The following CHLSN variants were observed in gnomAD, a reference collection of about 807,000 sequenced individuals.
CHLSN encodes cholesin.
At chr7:1,111,468 C>G in the CHLSN span, among the ~76,000 whole-genome samples, 12 of 152,324 alleles carry the variant, frequency 7.9e-5, no homozygotes, top group African/African-American at 2.9e-4. Context: ...ACAAAACAGT[C>G]TTTATTCAAG....
At chr7:1,072,402 C>G in the CHLSN span, among the ~76,000 whole-genome samples, 1 of 152,248 alleles carries the variant, frequency 6.6e-6, no homozygotes, top group Admixed American at 6.5e-5. Flanking sequence ...CCTGCACACT[C>G]ACGGGACCAC....
At chr7:1,053,943 G>A in the CHLSN span, among the ~76,000 whole-genome samples, 3 of 152,232 alleles carry the variant, frequency 2.0e-5, no homozygotes, top group Admixed American at 2.0e-4. Flanking sequence ...GCACTCCCAG[G>A]GACCCTGTTC....
chr7:1,076,620 T>C, the CHLSN span, among the ~76,000 whole-genome samples: 2 of 152,366 alleles, frequency 1.3e-5, no homozygotes, highest in South Asian at 4.1e-4. Context: ...ATGCTTTCAG[T>C]TTCCAACAGG....
At chr7:1,110,850 C>CA in the CHLSN span, among the ~76,000 whole-genome samples, 2,614 of 148,660 alleles carry the variant, frequency 0.018, 92 homozygotes, top group East Asian at 0.17. Flanking sequence ...AGGCAATTCA[C>CA]AAAAAAAAAC....
At chr7:1,113,359 G>A in the CHLSN span, among the ~76,000 whole-genome samples, 1 of 152,208 alleles carries the variant, frequency 6.6e-6, no homozygotes, top group African/African-American at 2.4e-5. Flanking sequence ...CTGAAAGCCA[G>A]GAGTGCCCGC....
chr7:1,092,456 G>C, the CHLSN span: 3 of 1,608,236 alleles, frequency 1.9e-6, no homozygotes, highest in Middle Eastern at 1.7e-4. Context: ...GTGCTGGTCA[G>C]GGCGCACCGG....
chr7:1,087,388 G>T, the CHLSN span: 38 of 152,354 alleles, frequency 2.5e-4, no homozygotes, highest in African/African-American at 8.9e-4. Context: ...GCAGATTTTG[G>T]AATATCTGCA....
the CHLSN span, chr7:1,074,828 C>T: frequency 6.6e-6 from 1 of 152,508 alleles, no homozygotes; most frequent in Non-Finnish European, 1.5e-5. Context: ...GCTCGAGGGA[C>T]CCGCCCATGT....
At chr7:989,785 A>G in the CHLSN span, 1 of 204,198 alleles carries the variant, frequency 4.9e-6, no homozygotes, top group Non-Finnish European at 1.0e-5. Flanking sequence ...ATCTCAAACA[A>G]ACAGAAGGAA....
At chr7:992,082 TCATGGGAGAGGCAGACA>T in the CHLSN span, among the ~76,000 whole-genome samples, 1 of 152,118 alleles carries the variant, frequency 6.6e-6, no homozygotes, top group Non-Finnish European at 1.5e-5. Context: ...TGCCCAGATG[TCATGGGAGAGGCAGACA>T]CCCCGAACCC....
chr7:998,669 C>T, the CHLSN span, among the ~76,000 whole-genome samples: 1 of 152,222 alleles, frequency 6.6e-6, no homozygotes, highest in Non-Finnish European at 1.5e-5. Flanking sequence ...TGGTCTCGAA[C>T]TCTTGACCTC....
chr7:1,048,121 A>C, the CHLSN span, among the ~76,000 whole-genome samples: 1 of 152,116 alleles, frequency 6.6e-6, no homozygotes, highest in Non-Finnish European at 1.5e-5. Flanking sequence ...AATGTCAAGG[A>C]CGAGCCAGTG....
chr7:979,812 T>C, the CHLSN span, among the ~76,000 whole-genome samples: 6 of 152,066 alleles, frequency 3.9e-5, no homozygotes, highest in African/African-American at 1.4e-4. Context: ...GGGACATTCT[T>C]CCAGGGGGCG....
the CHLSN span, among the ~76,000 whole-genome samples, chr7:1,097,650 A>T: frequency 6.6e-6 from 1 of 152,196 alleles, no homozygotes; most frequent in Non-Finnish European, 1.5e-5. The surrounding 1 kb of genome is among the most constrained non-coding windows in gnomAD (Gnocchi z 4.3). Context: ...AGTGAGGTGC[A>T]GGGGACTGCA....
the CHLSN span, among the ~76,000 whole-genome samples, chr7:1,066,770 C>T: frequency 1.3e-5 from 2 of 152,256 alleles, no homozygotes; most frequent in African/African-American, 2.4e-5. Flanking sequence ...GCCCCACATG[C>T]CCCAAAGGAG....
At chr7:984,099 C>T in the CHLSN span, among the ~76,000 whole-genome samples, 1 of 152,216 alleles carries the variant, frequency 6.6e-6, no homozygotes, top group Non-Finnish European at 1.5e-5. Context: ...GAATGTGCCA[C>T]CCCAGCAGAC....
At chr7:1,065,923 G>C in the CHLSN span, among the ~76,000 whole-genome samples, 3 of 152,202 alleles carry the variant, frequency 2.0e-5, no homozygotes, top group Admixed American at 6.5e-5. Flanking sequence ...GGGCAGGCTC[G>C]GTTCTGGAGC....
At chr7:1,092,464 C>A in the CHLSN span, 1 of 1,608,028 alleles carries the variant, frequency 6.2e-7, no homozygotes, top group South Asian at 1.1e-5. Flanking sequence ...CAGGGCGCAC[C>A]GGCACCGTGG....
the CHLSN span, among the ~76,000 whole-genome samples, chr7:1,010,405 G>A: frequency 1.3e-5 from 2 of 152,278 alleles, no homozygotes; most frequent in East Asian, 1.9e-4. Context: ...CCCCACCCCC[G>A]TGGTCCACCT....
Sources: gnomAD v4.1 joint callset for allele counts (sites outside exome capture counted in the v4.1 genomes callset) on GRCh38, gnomAD v4.1.1 for gene constraint, Gnocchi (gnomAD v3.1) non-coding constraint, MANE v1.5 for transcripts, NCBI Gene and HGNC (gene_info 2026-07-23, HGNC 2026-07-21) for gene names.